The following ZNF804B variants were observed in gnomAD, a reference collection of about 807,000 sequenced individuals.
The protein encoded by ZNF804B is zinc finger protein 804B, also known as zinc finger 804B.
ZNF804B carries 80 observed loss-of-function variants against 101.4 expected under a neutral mutation model. That is an observed-to-expected ratio of 0.79 (90% CI 0.66 to 0.95). ZNF804B has a LOEUF of 0.95. ZNF804B is among the 40% of genes least tolerant of loss of function. ZNF804B has a pLI of 0.00. For synonymous variants in ZNF804B, 622 were observed against 558.8 expected (o/e 1.11, Z -1.59); for missense variants, 1,673 against 1,561.9 (o/e 1.07, Z -1.20).
At chr7:89,006,364 A>G (rs1241677631) in intron 1 of ZNF804B, among the ~76,000 whole-genome samples, 1 of 152,086 alleles carries the variant, frequency 6.6e-6, no homozygotes, top group Non-Finnish European at 1.5e-5. Context: ...TTATCAATCC[A>G]TTTTTAAAAC....
intron 1 of ZNF804B, among the ~76,000 whole-genome samples, chr7:89,172,262 G>C (rs1791248869): frequency 6.6e-6 from 1 of 152,096 alleles, no homozygotes; most frequent in African/African-American, 2.4e-5. Context: ...ACATTCAAGA[G>C]AATAGTTCAA....
intron 1 of ZNF804B, among the ~76,000 whole-genome samples, chr7:88,939,286 C>A (rs1269993954): frequency 6.6e-6 from 1 of 151,868 alleles, no homozygotes; most frequent in African/African-American, 2.4e-5. Flanking sequence ...AATACCCAAT[C>A]AAATATAAAT....
intron 1 of ZNF804B, among the ~76,000 whole-genome samples, chr7:89,197,717 G>A (rs534489370): frequency 6.6e-6 from 1 of 151,946 alleles, no homozygotes; most frequent in African/African-American, 2.4e-5. Flanking sequence ...AGCACGCTTA[G>A]ATTCTTGATT....
At chr7:88,800,814 C>T (rs1156975833) in intron 1 of ZNF804B, among the ~76,000 whole-genome samples, 2 of 151,622 alleles carry the variant, frequency 1.3e-5, no homozygotes, top group Non-Finnish European at 2.9e-5. Context: ...ACAATCTGTT[C>T]TGGCTAAAGC....
intron 2 of ZNF804B, among the ~76,000 whole-genome samples, chr7:89,256,731 G>T (rs1789636851): frequency 6.6e-6 from 1 of 152,034 alleles, no homozygotes; most frequent in Non-Finnish European, 1.5e-5. Flanking sequence ...AACACATCTA[G>T]GCTTGCTCAT....
rs780578910 is a variant in ZNF804B at position 89,037,506 on chromosome 7, A to G, written c.109-180649A>G. ...TATATATTTATTTTTACCTAGCCTTATTGACCTATAATTGACAAATGAAAA... is the reference window on the plus strand; with the variant it reads ...TATATATTTATTTTTACCTAGCCTTGTTGACCTATAATTGACAAATGAAAA... On this transcript the variant is annotated intron_variant, in intron 1 of 3. Coordinates refer to ENST00000333190, the MANE Select transcript of ZNF804B (RefSeq NM_181646.5). Among the ~76,000 whole-genome samples, 23 of 151,804 alleles carry G rather than the reference A, an allele frequency of 1.5e-4. 1 individual carries two copies. The highest frequency in any genetic ancestry group is 1.4e-3 in the Admixed American group (21 of 15,212).
intron 1 of ZNF804B, among the ~76,000 whole-genome samples, chr7:89,082,556 C>A (rs982120234): frequency 4.6e-5 from 7 of 151,656 alleles, no homozygotes; most frequent in African/African-American, 1.7e-4. Context: ...GTTGCATCAC[C>A]CACATATAGT....
chr7:89,149,010 T>G (rs552909063), intron 1 of ZNF804B, among the ~76,000 whole-genome samples: 1 of 152,194 alleles, frequency 6.6e-6, no homozygotes, highest in African/African-American at 2.4e-5. Context: ...CCCTGCAGAC[T>G]TAGGCTGATT....
chr7:89,336,308 A>T lies in ZNF804B; in HGVS notation c.3326A>T (p.His1109Leu). Residue 1109 changes from histidine (H) to leucine (L), a missense_variant, in exon 4 of 4, where the codon CAT (histidine) becomes CTT (leucine). Transcript: ENST00000333190. The part of the protein sequence containing the change: ...DLQDVSMHIN[H>L]VEGNINSYYD... ...CAGGATGTAAGCATGCATATAAATC[A>T]TGTAGAGGGAAATATAAACTCTTAC... 1 of 1,613,920 alleles carries T rather than the reference A, an allele frequency of 6.2e-7. No homozygotes were observed. Among genetic ancestry groups the T allele is most frequent in the Non-Finnish European group, 8.5e-7 (1 of 1,179,938 alleles).
chr7:89,155,702 C>A (rs946263054), intron 1 of ZNF804B, among the ~76,000 whole-genome samples: 1 of 152,160 alleles, frequency 6.6e-6, no homozygotes, highest in African/African-American at 2.4e-5. Flanking sequence ...TGAATTCTTA[C>A]CAGTTTTCGG....
At chr7:89,112,325 T>C (rs1022008520) in intron 1 of ZNF804B, among the ~76,000 whole-genome samples, 1 of 152,134 alleles carries the variant, frequency 6.6e-6, no homozygotes, top group South Asian at 2.1e-4. Context: ...CTAGGTTCAT[T>C]TTCTTGCATG....
chr7:88,823,735 G>T (rs919043551), intron 1 of ZNF804B, among the ~76,000 whole-genome samples: 4 of 152,076 alleles, frequency 2.6e-5, no homozygotes, highest in Non-Finnish European at 5.9e-5. Context: ...TTCTACTATT[G>T]GGATCTATGG....
chr7:89,242,644 CTT>C (rs748986553), intron 2 of ZNF804B, among the ~76,000 whole-genome samples: 8 of 151,370 alleles, frequency 5.3e-5, no homozygotes, highest in East Asian at 1.9e-4. Context: ...AAAAAGATAA[CTT>C]AAAATAATAC....
At chr7:89,264,783 A>G (rs11978676) in intron 2 of ZNF804B, among the ~76,000 whole-genome samples, 2,546 of 152,292 alleles carry the variant, frequency 0.017, 80 homozygotes, top group African/African-American at 0.058. Context: ...TTGGGCTTCA[A>G]TATTGAACAT....
chr7:88,801,303 GAA>G (rs924638257), intron 1 of ZNF804B, among the ~76,000 whole-genome samples: 1 of 142,240 alleles, frequency 7.0e-6, no homozygotes, highest in East Asian at 2.0e-4. Context: ...GAGGAGAGGG[GAA>G]AAAAAAAAAA....
At chr7:89,266,871 C>G (rs1208838) in intron 2 of ZNF804B, among the ~76,000 whole-genome samples, 36,158 of 90,900 alleles carry the variant, frequency 0.4, 4,469 homozygotes, top group African/African-American at 0.42. Flanking sequence ...GTTTGTGTGT[C>G]TGTGTTTGTG....
intron 1 of ZNF804B, among the ~76,000 whole-genome samples, chr7:89,175,339 C>T (rs1333562178): frequency 6.6e-6 from 1 of 151,964 alleles, no homozygotes; most frequent in East Asian, 1.9e-4. Flanking sequence ...ACTGTCCTTT[C>T]CCTAATGTAT....
intron 2 of ZNF804B, among the ~76,000 whole-genome samples, chr7:89,278,984 C>T (rs1790034672): frequency 6.6e-6 from 1 of 152,152 alleles, no homozygotes; most frequent in Non-Finnish European, 1.5e-5. Context: ...TATCCATGAG[C>T]ATGGAATGTT....
At chr7:89,007,939 A>G (rs956064347) in intron 1 of ZNF804B, among the ~76,000 whole-genome samples, 1 of 152,092 alleles carries the variant, frequency 6.6e-6, no homozygotes, top group African/African-American at 2.4e-5. Context: ...CTAGAAAAGG[A>G]AAACCAATTA....
Sources: allele counts gnomAD v4.1 joint callset (sites outside exome capture counted in the v4.1 genomes callset), GRCh38; gene constraint gnomAD v4.1.1; transcripts MANE v1.5; gene names NCBI Gene and HGNC (gene_info 2026-07-23, HGNC 2026-07-21).